TNNI3K: variants seen among roughly 807,000 people sequenced by gnomAD.
TNNI3K encodes the protein TNNI3 interacting kinase.
TNNI3K carries 140 observed loss-of-function variants against 114.5 expected under a neutral mutation model. The ratio of observed to expected loss-of-function variants is 1.22; its 90% CI spans 1.07 to 1.41. The LOEUF is 1.41. TNNI3K is among the 40% of genes most tolerant of loss of function. The pLI is 0.00. For synonymous variants in TNNI3K, 347 were observed against 347.5 expected (o/e 1.00, Z 0.02); for missense variants, 1,125 against 1,007.6 (o/e 1.12, Z -1.58).
At chr1:74,398,801 C>A (rs992023449) in intron 17 of TNNI3K, among the ~76,000 whole-genome samples, 1 of 152,048 alleles carries the variant, frequency 6.6e-6, no homozygotes. Flanking sequence ...CTTGTTATCT[C>A]CCCTCTTCTG....
intron 7 of TNNI3K, among the ~76,000 whole-genome samples, chr1:74,338,755 A>G (rs1190137929): frequency 6.6e-6 from 1 of 152,194 alleles, no homozygotes; most frequent in Admixed American, 6.6e-5. Context: ...TCCAAGTTGT[A>G]AACAAGGGCC....
intron 17 of TNNI3K, among the ~76,000 whole-genome samples, chr1:74,419,542 T>G (rs1334185342): frequency 1.3e-5 from 2 of 152,056 alleles, no homozygotes; most frequent in East Asian, 3.9e-4. Context: ...CCTATCATAG[T>G]GCTACTGTGA....
rs189669472 is a variant in TNNI3K, at chr1:74,353,427, A to C, written c.1027+67A>C. 4.5e-6 allele frequency: 7 copies of C among 1,571,098 alleles called. No homozygotes were observed. The African/African-American group carries it at 8.2e-5, about 18-fold the overall frequency. ...CAATGATTAAGAATAATGGTATGCAAAGGGATGTGGGGGCATTGGGAGTGC... is the reference window on the plus strand; with the variant it reads ...CAATGATTAAGAATAATGGTATGCACAGGGATGTGGGGGCATTGGGAGTGC... On this transcript the variant is annotated intron_variant, in intron 10 of 24. Coordinates refer to ENST00000326637, the MANE Select transcript of TNNI3K (RefSeq NM_015978.3).
At chr1:74,522,184 G>A (rs931532034) in intron 23 of TNNI3K, among the ~76,000 whole-genome samples, 1 of 152,188 alleles carries the variant, frequency 6.6e-6, no homozygotes. Flanking sequence ...TCAGACCCTT[G>A]ATGAATCAGG....
At chr1:74,494,667 G>C (rs1669240378) in intron 23 of TNNI3K, among the ~76,000 whole-genome samples, 1 of 152,224 alleles carries the variant, frequency 6.6e-6, no homozygotes, top group South Asian at 2.1e-4. Context: ...CAGAGGTTAA[G>C]AGGATGAGCT....
At chr1:74,467,240 G>C (rs563932099) in intron 21 of TNNI3K, among the ~76,000 whole-genome samples, 28 of 152,314 alleles carry the variant, frequency 1.8e-4, no homozygotes, top group African/African-American at 6.5e-4. Context: ...TTAAATCTCT[G>C]TATCAGGCAT....
chr1:74,301,645 C>G (rs771207617), intron 5 of TNNI3K, among the ~76,000 whole-genome samples: 5 of 152,244 alleles, frequency 3.3e-5, no homozygotes, highest in African/African-American at 4.8e-5. Context: ...TGTAACAGAG[C>G]AGCTAACCAA....
chr1:74,480,114 A>G, intron 21 of TNNI3K: 2 of 681,760 alleles, frequency 2.9e-6, no homozygotes, highest in Non-Finnish European at 5.4e-6. Context: ...TATGGACAAG[A>G]GAAGAGAAAA....
intron 23 of TNNI3K, among the ~76,000 whole-genome samples, chr1:74,528,223 G>A (rs542380398): frequency 6.6e-6 from 1 of 152,164 alleles, no homozygotes; most frequent in Non-Finnish European, 1.5e-5. Context: ...AAGGAAGTTG[G>A]AGCATAAGGG....
intron 20 of TNNI3K, among the ~76,000 whole-genome samples, chr1:74,457,633 T>A (rs1295049885): frequency 6.6e-6 from 1 of 152,166 alleles, no homozygotes; most frequent in East Asian, 1.9e-4. Context: ...TTCTGGCAAT[T>A]TTATATTGGT....
intron 14 of TNNI3K, 36 bp downstream of exon 14, chr1:74,369,150 T>A (rs1662452552): frequency 6.3e-7 from 1 of 1,598,850 alleles, no homozygotes; most frequent in South Asian, 1.1e-5. Flanking sequence ...AAGGTCCGGT[T>A]TAGTTGAATG....
intron 17 of TNNI3K, among the ~76,000 whole-genome samples, chr1:74,391,957 A>ATTATTTTTTT (rs1369570973): frequency 3.2e-5 from 3 of 92,990 alleles, no homozygotes; most frequent in Admixed American, 1.2e-4. Context: ...ACAGCTTATT[A>ATTATTTTTTT]TTTTTTTTTT....
chr1:74,496,121 T>G (rs1048059276), intron 23 of TNNI3K, among the ~76,000 whole-genome samples: 1 of 152,144 alleles, frequency 6.6e-6, no homozygotes, highest in African/African-American at 2.4e-5. Flanking sequence ...GGCATCAGAA[T>G]GCTTTAAAGT....
chr1:74,376,831 AT>A (rs1161909679), intron 17 of TNNI3K: 2 of 151,722 alleles, frequency 1.3e-5, no homozygotes, highest in Admixed American at 6.6e-5. Flanking sequence ...AAAAAAAAAA[AT>A]AAAAGATTCA....
intron 11 of TNNI3K, among the ~76,000 whole-genome samples, chr1:74,361,333 G>T (rs1661956244): frequency 6.6e-6 from 1 of 151,920 alleles, no homozygotes; most frequent in Non-Finnish European, 1.5e-5. Flanking sequence ...ACTGTTGTAA[G>T]ATTCACCATT....
chr1:74,288,491 A>G (rs1211501414), intron 5 of TNNI3K, among the ~76,000 whole-genome samples: 2 of 152,128 alleles, frequency 1.3e-5, no homozygotes, highest in African/African-American at 4.8e-5. Flanking sequence ...CTGGGAGGAC[A>G]TTATGCCAAG....
At chr1:74,259,958 A>C (rs1347768760) in intron 4 of TNNI3K, among the ~76,000 whole-genome samples, 3 of 152,208 alleles carry the variant, frequency 2.0e-5, no homozygotes, top group Non-Finnish European at 1.5e-5. Flanking sequence ...TGTAGATTAA[A>C]GTTTGAAGAT....
intron 5 of TNNI3K, among the ~76,000 whole-genome samples, chr1:74,285,663 A>G (rs1336011881): frequency 1.3e-5 from 2 of 152,200 alleles, no homozygotes; most frequent in African/African-American, 4.8e-5. Flanking sequence ...ACAGGTTCCA[A>G]TATTGTGATT....
intron 5 of TNNI3K, among the ~76,000 whole-genome samples, chr1:74,308,681 C>A (rs751527650): frequency 6.6e-6 from 1 of 151,704 alleles, no homozygotes; most frequent in African/African-American, 2.4e-5. Flanking sequence ...TATATTGAGA[C>A]CAAAACAATA....
Sources: gnomAD v4.1 joint callset for allele counts (sites outside exome capture counted in the v4.1 genomes callset) on GRCh38, gnomAD v4.1.1 for gene constraint, MANE v1.5 for transcripts, NCBI Gene and HGNC (gene_info 2026-07-23, HGNC 2026-07-21) for gene names.